KLHDC10: variants seen among roughly 807,000 people sequenced by gnomAD.
The protein encoded by KLHDC10 is kelch domain containing 10.
In KLHDC10, 24 loss-of-function variants were observed where a neutral mutation model predicts 56.1. The ratio of observed to expected loss-of-function variants is 0.43; its 90% confidence interval spans 0.31 to 0.60. The LOEUF is 0.60. Ranked by LOEUF, KLHDC10 falls within the 20% of genes least tolerant of loss-of-function variation. The probability of loss-of-function intolerance (pLI) is 0.11; values close to 1 mark genes in which losing one functional copy is unlikely to be tolerated. For missense variants in KLHDC10, 349 were observed against 567.0 expected, an observed-to-expected ratio of 0.62 and a Z score of 3.91; for synonymous variants, 188 against 207.1, an observed-to-expected ratio of 0.91 and a Z score of 0.79.
At chr7:130,093,763 A>G (rs1433832417) in intron 1 of KLHDC10, among the ~76,000 whole-genome samples, 1 of 152,158 alleles carries the variant, frequency 6.6e-6, no homozygotes, top group Admixed American at 6.5e-5. Context: ...TTTTGAAGTC[A>G]GTGCCTGCCT....
At position 130,126,216 on chromosome 7, in the gene KLHDC10, G is replaced by A. The variant is rs1416748060; in HGVS notation, c.931+285G>A. ...ACCTGTAGTCCCAGCTACTCCGGAGGCTGAGGTGGGAGAATCACCTGAGCT... is the reference window on the plus strand; with the variant it reads ...ACCTGTAGTCCCAGCTACTCCGGAGACTGAGGTGGGAGAATCACCTGAGCT... On this transcript the variant is annotated intron_variant, in intron 7 of 9. Coordinates refer to ENST00000335420, the MANE Select transcript of KLHDC10 (RefSeq NM_014997.4). Among the ~76,000 whole-genome samples, 5 of 152,260 alleles carry A rather than the reference G, an allele frequency of 3.3e-5. No individual in the cohort carries two copies. In the East Asian group the frequency reaches 9.6e-4, roughly 29 times the overall value.
chr7:130,128,929 C>A (rs1796357904), intron 8 of KLHDC10, among the ~76,000 whole-genome samples: 4 of 103,616 alleles, frequency 3.9e-5, no homozygotes, highest in South Asian at 3.2e-4. Flanking sequence ...TACATACTAG[C>A]CAAAACTTAA....
intron 2 of KLHDC10, among the ~76,000 whole-genome samples, chr7:130,109,850 G>C (rs1260311683): frequency 6.6e-6 from 1 of 152,002 alleles, no homozygotes; most frequent in African/African-American, 2.4e-5. Context: ...TGTTAGTCAG[G>C]CTGGTCTCAA....
chr7:130,086,728 A>G (rs954941738), intron 1 of KLHDC10, among the ~76,000 whole-genome samples: 7 of 152,132 alleles, frequency 4.6e-5, no homozygotes, highest in Middle Eastern at 3.2e-3. Context: ...ATGTGCTGTA[A>G]TTTACCAGCC....
At chr7:130,105,480 A>T (rs1361373227) in intron 2 of KLHDC10, among the ~76,000 whole-genome samples, 1 of 152,208 alleles carries the variant, frequency 6.6e-6, no homozygotes, top group Non-Finnish European at 1.5e-5. Flanking sequence ...TCAAAAACAT[A>T]ATTGTGAATA....
At chr7:130,072,637 C>T (rs1406751308) in intron 1 of KLHDC10, among the ~76,000 whole-genome samples, 1 of 152,098 alleles carries the variant, frequency 6.6e-6, no homozygotes, top group Non-Finnish European at 1.5e-5. Context: ...GCATTTTAAG[C>T]CTCTCCCTTT....
chr7:130,108,047 GA>G (rs961950533), intron 2 of KLHDC10, among the ~76,000 whole-genome samples: 16 of 138,856 alleles, frequency 1.2e-4, no homozygotes, highest in African/African-American at 2.7e-4. Flanking sequence ...CCTTCCCCGG[GA>G]AAAAAAAAAC....
At chr7:130,109,546 A>G (rs576624847) in intron 2 of KLHDC10, among the ~76,000 whole-genome samples, 4 of 152,232 alleles carry the variant, frequency 2.6e-5, no homozygotes, top group African/African-American at 4.8e-5. Flanking sequence ...TATTAACCCT[A>G]TAAATAATGG....
At chr7:130,104,783 C>T (rs888782666) in intron 2 of KLHDC10, among the ~76,000 whole-genome samples, 1 of 152,076 alleles carries the variant, frequency 6.6e-6, no homozygotes, top group Non-Finnish European at 1.5e-5. Context: ...TTTTAAACAA[C>T]CAGATCTTGT....
At chr7:130,119,358 A>G (rs1364280661) in intron 3 of KLHDC10, among the ~76,000 whole-genome samples, 1 of 151,702 alleles carries the variant, frequency 6.6e-6, no homozygotes, top group Admixed American at 6.6e-5. Flanking sequence ...AAAAAAATAC[A>G]AAAGTTAGCC....
At chr7:130,074,681 C>T (rs111971408) in intron 1 of KLHDC10, among the ~76,000 whole-genome samples, 2 of 149,178 alleles carry the variant, frequency 1.3e-5, no homozygotes, top group African/African-American at 5.0e-5. Context: ...AGTGCAGTGG[C>T]GCAATGTCAC....
At chr7:130,097,040 G>T in intron 2 of KLHDC10, 33 bp downstream of exon 2, 1 of 1,467,894 alleles carries the variant, frequency 6.8e-7, no homozygotes. Flanking sequence ...TCTGTGCTTC[G>T]TATGGGTTAA....
At chr7:130,071,714 A>C (rs1795413407) in intron 1 of KLHDC10, among the ~76,000 whole-genome samples, 1 of 152,214 alleles carries the variant, frequency 6.6e-6, no homozygotes, top group African/African-American at 2.4e-5. Context: ...TATGAAAAGA[A>C]CTATCAGGAA....
intron 1 of KLHDC10, among the ~76,000 whole-genome samples, chr7:130,095,952 T>C (rs1795842379): frequency 6.6e-6 from 1 of 152,196 alleles, no homozygotes; most frequent in Non-Finnish European, 1.5e-5. Flanking sequence ...TCCTTCACAG[T>C]AACGTAATTA....
At chr7:130,078,417 G>T (rs563251599) in intron 1 of KLHDC10, among the ~76,000 whole-genome samples, 2 of 152,192 alleles carry the variant, frequency 1.3e-5, no homozygotes, top group East Asian at 3.9e-4. Context: ...TAGAGATGGA[G>T]TCTTGCTATG....
rs922123273 is a variant in KLHDC10, at chr7:130,135,462, C to T, written c.*4716C>T. On this transcript the variant is annotated 3_prime_UTR_variant, in exon 10 of 10. Coordinates refer to ENST00000335420, the MANE Select transcript of KLHDC10 (RefSeq NM_014997.4). ...CTACAGGGTATGCTTGGGCCATACACAATGCTCGCCTTACTTTAAAGCTAT... is the reference window on the plus strand; with the variant it reads ...CTACAGGGTATGCTTGGGCCATACATAATGCTCGCCTTACTTTAAAGCTAT... 2 of 154,410 alleles carry T rather than the reference C, an allele frequency of 1.3e-5. No individual in the cohort carries two copies. The highest frequency in any genetic ancestry group is 2.9e-5 in the Non-Finnish European group (2 of 68,220). The allele number at this position is 154,410 out of a possible 1,614,324, so 9.6% of individuals were successfully genotyped here.
rs188850984 is a variant in KLHDC10, at chr7:130,123,329, G to A, written c.780-1122G>A. Among the ~76,000 whole-genome samples, 272 of 152,172 alleles carry A rather than the reference G, an allele frequency of 1.8e-3. 1 individual carries two copies. The highest frequency in any genetic ancestry group is 3.4e-3 in the Non-Finnish European group (229 of 68,000). On this transcript the variant is annotated intron_variant, in intron 5 of 9. Transcript: ENST00000335420. ...TAAAAATACAAAAAAAGTTAGCTGGGTGTGGTGGTGGGCACCTGTAATCCC... is the reference window on the plus strand; with the variant it reads ...TAAAAATACAAAAAAAGTTAGCTGGATGTGGTGGTGGGCACCTGTAATCCC...
chr7:130,075,186 G>C (rs1276491602), intron 1 of KLHDC10, among the ~76,000 whole-genome samples: 1 of 152,150 alleles, frequency 6.6e-6, no homozygotes, highest in Non-Finnish European at 1.5e-5. Context: ...GGGTTCATGG[G>C]GCAATGGAAT....
At position 130,116,786 on chromosome 7, in the gene KLHDC10, A is replaced by T; in HGVS notation, c.475+120A>T. On this transcript the variant is annotated intron_variant, in intron 3 of 9. Transcript: ENST00000335420. The surrounding 1 kb of genome is among the most constrained non-coding windows in gnomAD (Gnocchi z 4.8). ...TAATGTGATTTCGCCCTGTGGGTGGATAGGCTTTTTACTAGGGTAATAACA... is the reference window on the plus strand; with the variant it reads ...TAATGTGATTTCGCCCTGTGGGTGGTTAGGCTTTTTACTAGGGTAATAACA... 1 of 819,778 alleles carries T rather than the reference A, an allele frequency of 1.2e-6. No individual in the cohort carries two copies. The highest frequency in any genetic ancestry group is 2.0e-6 in the Non-Finnish European group (1 of 505,908). The allele number at this position is 819,778 out of a possible 1,614,324, so 50.8% of individuals were successfully genotyped here. A position where few individuals can be genotyped will look rare whatever the true frequency, so the allele number is the denominator to read the frequency against.
Sources: gnomAD v4.1 joint callset for allele counts (sites outside exome capture counted in the v4.1 genomes callset) on GRCh38, gnomAD v4.1.1 for gene constraint, Gnocchi (gnomAD v3.1) non-coding constraint, MANE v1.5 for transcripts, NCBI Gene and HGNC (gene_info 2026-07-23, HGNC 2026-07-21) for gene names.